LPAR1: variants seen among roughly 807,000 people sequenced by gnomAD.
The protein encoded by LPAR1 is LPA receptor 1.
LPAR1 carries 5 observed loss-of-function variants against 23.8 expected under a neutral mutation model. That is an observed-to-expected ratio of 0.21 (90% CI 0.11 to 0.44). LPAR1 has a LOEUF of 0.44. LPAR1 is among the 20% of genes least tolerant of loss of function. LPAR1 has a pLI of 0.99. For missense variants in LPAR1, 311 were observed against 482.8 expected, an observed-to-expected ratio of 0.64 and a Z score of 3.33; for synonymous variants, 160 against 164.7, an observed-to-expected ratio of 0.97 and a Z score of 0.22.
At chr9:111,028,451 A>C (rs2097737780) in intron 2 of LPAR1, among the ~76,000 whole-genome samples, 1 of 152,198 alleles carries the variant, frequency 6.6e-6, no homozygotes, top group South Asian at 2.1e-4. Flanking sequence ...TAAAATGAGC[A>C]TATACTGTTT....
chr9:110,971,475 T>C (rs1004355678), intron 4 of LPAR1, among the ~76,000 whole-genome samples: 3 of 152,172 alleles, frequency 2.0e-5, no homozygotes, highest in Non-Finnish European at 4.4e-5. Context: ...GTCCAGCCAA[T>C]GCCTGATTAA....
At position 110,941,395 on chromosome 9, in the gene LPAR1, T is replaced by C. The variant is rs1479229322; in HGVS notation, c.793+26A>G. Reference sequence around the variant, plus strand: ...TGTTAGTCACTGAGAATCTATAAAGTAAGTTACAGTCAAGACAGAACTTAC... The same window carrying C: ...TGTTAGTCACTGAGAATCTATAAAGCAAGTTACAGTCAAGACAGAACTTAC... On this transcript the variant is annotated intron_variant, in intron 5 of 5. Coordinates refer to ENST00000683809, the MANE Select transcript of LPAR1 (RefSeq NM_001351411.2). This position sits in a 1 kb window ranked among gnomAD's most constrained non-coding sequence, Gnocchi z 6.1. The C allele has an allele frequency of 1.9e-6, 3 of 1,571,174 alleles. No homozygotes were observed. The highest frequency in any genetic ancestry group is 2.4e-5 in the South Asian group (2 of 84,162).
At chr9:110,879,484 A>T (rs2080121621) in intron 5 of LPAR1, among the ~76,000 whole-genome samples, 1 of 152,018 alleles carries the variant, frequency 6.6e-6, no homozygotes, top group Non-Finnish European at 1.5e-5. Flanking sequence ...CAGAAACAGA[A>T]GTAGCAGAAG....
intron 2 of LPAR1, among the ~76,000 whole-genome samples, chr9:111,024,165 G>A (rs2097632570): frequency 6.6e-6 from 1 of 151,920 alleles, no homozygotes; most frequent in Non-Finnish European, 1.5e-5. Context: ...TCTAACAAAT[G>A]TAGAAAAAAA....
At chr9:110,957,027 A>T (rs1342457564) in intron 4 of LPAR1, among the ~76,000 whole-genome samples, 1 of 152,182 alleles carries the variant, frequency 6.6e-6, no homozygotes, top group Non-Finnish European at 1.5e-5. Flanking sequence ...GATGGAAAAA[A>T]TCCTCAACAA....
chr9:111,022,867 G>A lies in LPAR1; in HGVS notation c.-182+13255C>T, dbSNP rs947542168. Among the ~76,000 whole-genome samples, 129 of 151,672 alleles carry A rather than the reference G, an allele frequency of 8.5e-4. 4 individuals are homozygous for A. The highest frequency in any genetic ancestry group is 2.1e-4 in the South Asian group (1 of 4,808). The stretch of plus-strand genomic sequence containing the variant: ...AGATCGAGACCATCCTGGCTAACAC[G>A]GTAAAACCCTGTCTCTACTAAAAAT... On this transcript the variant is annotated intron_variant, in intron 2 of 5. Coordinates refer to ENST00000683809, the MANE Select transcript of LPAR1 (RefSeq NM_001351411.2).
chr9:110,999,340 T>TA (rs1304436964), intron 2 of LPAR1: 7 of 453,718 alleles, frequency 1.5e-5, no homozygotes, highest in East Asian at 7.0e-5. Context: ...CTTTAATTGC[T>TA]AAAAAAGAAC....
intron 5 of LPAR1, among the ~76,000 whole-genome samples, chr9:110,900,332 T>A (rs1020863540): frequency 6.6e-6 from 1 of 152,222 alleles, no homozygotes; most frequent in African/African-American, 2.4e-5. Context: ...TCTCAAGGCC[T>A]TTAACTTAGT....
chr9:110,914,763 T>C (rs1283459364), intron 5 of LPAR1, among the ~76,000 whole-genome samples: 1 of 151,186 alleles, frequency 6.6e-6, no homozygotes, highest in African/African-American at 2.5e-5. Flanking sequence ...TTCACTTCCT[T>C]TCTTCATTAA....
intron 2 of LPAR1, among the ~76,000 whole-genome samples, chr9:111,031,230 T>C (rs2141565705): frequency 6.6e-6 from 1 of 151,912 alleles, no homozygotes; most frequent in African/African-American, 2.4e-5. Context: ...TGAAATACAT[T>C]AGTGAAGCAA....
Position 110,896,849 on chromosome 9 carries a change from G to A in LPAR1, c.794-21127C>T, listed in dbSNP as rs562152940. Among the ~76,000 whole-genome samples the A allele has an allele frequency of 1.8e-3, 275 of 148,742 alleles. 1 individual carries two copies. Among genetic ancestry groups the A allele is most frequent in the African/African-American group, 6.3e-3 (252 of 40,066 alleles). On this transcript the variant is annotated intron_variant, in intron 5 of 5. Transcript: ENST00000683809. ...GTTGCCCAGGCTGGAGTGCAGTGGC[G>A]TGATCTCAGCTCACTGCAAGCTCCG...
chr9:110,959,014 A>T (rs528362557), intron 4 of LPAR1, among the ~76,000 whole-genome samples: 1 of 151,794 alleles, frequency 6.6e-6, no homozygotes, highest in South Asian at 2.1e-4. Context: ...CCACAATAAG[A>T]TATCATCTTA....
intron 2 of LPAR1, among the ~76,000 whole-genome samples, chr9:111,034,730 T>C (rs931485111): frequency 6.6e-6 from 1 of 152,170 alleles, no homozygotes; most frequent in African/African-American, 2.4e-5. Flanking sequence ...TGCCCCAATA[T>C]GTGTTACTCA....
intron 5 of LPAR1, among the ~76,000 whole-genome samples, chr9:110,928,964 T>C (rs1222613914): frequency 6.6e-6 from 1 of 152,224 alleles, no homozygotes; most frequent in African/African-American, 2.4e-5. Flanking sequence ...GAGAAGCTTT[T>C]TGAAGCACAG....
chr9:110,892,677 G>A (rs1012935223), intron 5 of LPAR1, among the ~76,000 whole-genome samples: 3 of 147,774 alleles, frequency 2.0e-5, no homozygotes, highest in African/African-American at 7.5e-5. Context: ...AAGAGAGAGA[G>A]AGGGGGAAGG....
intron 2 of LPAR1, among the ~76,000 whole-genome samples, chr9:110,989,472 A>G (rs2096854640): frequency 6.6e-6 from 1 of 152,222 alleles, no homozygotes; most frequent in African/African-American, 2.4e-5. Flanking sequence ...AAAAGTTTTA[A>G]AAAGCAGGGG....
chr9:110,934,983 T>C (rs1799108329), intron 5 of LPAR1, among the ~76,000 whole-genome samples: 1 of 152,222 alleles, frequency 6.6e-6, no homozygotes, highest in African/African-American at 2.4e-5. Flanking sequence ...CTATATGTGA[T>C]GCTAATAATG....
chr9:110,982,647 A>C (rs1373712809), intron 2 of LPAR1, among the ~76,000 whole-genome samples: 7 of 151,942 alleles, frequency 4.6e-5, no homozygotes, highest in African/African-American at 1.7e-4. Context: ...AAAATAAAAA[A>C]ATTTAAAAAG....
chr9:111,005,840 T>C (rs2097209074), intron 2 of LPAR1, among the ~76,000 whole-genome samples: 1 of 152,028 alleles, frequency 6.6e-6, no homozygotes. Context: ...GTCTCAGGAG[T>C]CTCCTTAATC....
Sources: gnomAD v4.1 joint callset for allele counts (sites outside exome capture counted in the v4.1 genomes callset) on GRCh38, gnomAD v4.1.1 for gene constraint, Gnocchi (gnomAD v3.1) non-coding constraint, MANE v1.5 for transcripts, NCBI Gene and HGNC (gene_info 2026-07-23, HGNC 2026-07-21) for gene names.